The following TTC27 variants were observed in gnomAD, a reference collection of about 807,000 sequenced individuals.
TTC27 encodes tetratricopeptide repeat domain 27, also known as tetratricopeptide repeat protein 27.
A neutral mutation model predicts 115.9 loss-of-function variants in TTC27; 79 were observed. The ratio of observed to expected loss-of-function variants is 0.68; its 90% CI spans 0.57 to 0.82. The LOEUF (loss-of-function observed/expected upper bound fraction) is 0.82. TTC27 is among the 40% of genes least tolerant of loss of function. The pLI is 0.00. For synonymous variants in TTC27, 401 were observed against 356.0 expected (o/e 1.13, Z -1.42); for missense variants, 1,054 against 993.1 (o/e 1.06, Z -0.82).
At chr2:32,786,628 C>A (rs1670357343) in intron 15 of TTC27, among the ~76,000 whole-genome samples, 2 of 152,152 alleles carry the variant, frequency 1.3e-5, no homozygotes, top group African/African-American at 2.4e-5. Context: ...TTTTGTCTTA[C>A]AGGTTTGCAA....
chr2:32,745,054 C>CAAAAAAAAAAAA (rs57044153), intron 12 of TTC27, among the ~76,000 whole-genome samples: 3 of 49,882 alleles, frequency 6.0e-5, no homozygotes, highest in Non-Finnish European at 1.0e-4. Context: ...AACTCTGTCT[C>CAAAAAAAAAAAA]AAAAAAAAAA....
intron 16 of TTC27, among the ~76,000 whole-genome samples, chr2:32,807,605 AGTAT>A (rs1388851542): frequency 6.6e-6 from 1 of 152,206 alleles, no homozygotes; most frequent in Non-Finnish European, 1.5e-5. Context: ...ATTGAAAATT[AGTAT>A]TATAGGATAC....
At chr2:32,719,269 G>T (rs1667846723) in intron 10 of TTC27, among the ~76,000 whole-genome samples, 1 of 152,168 alleles carries the variant, frequency 6.6e-6, no homozygotes, top group African/African-American at 2.4e-5. Flanking sequence ...CAGGGAGGCT[G>T]TAAAAGATAC....
intron 10 of TTC27, among the ~76,000 whole-genome samples, chr2:32,715,242 T>C (rs1667715535): frequency 6.6e-6 from 1 of 152,174 alleles, no homozygotes; most frequent in African/African-American, 2.4e-5. Flanking sequence ...CTTGAGTTGA[T>C]TTTTGCATAT....
Position 32,654,530 on chromosome 2 carries a change from ATGT to A in TTC27, c.640+4302_640+4304del, listed in dbSNP as rs565834283. ...GATGATTAACAGGGTATAGCATTTC[ATGT>A]TGTTATTATTTTTTTGAGGCAGGGT... On this transcript the variant is annotated intron_variant, in intron 5 of 19. Coordinates refer to ENST00000317907, the MANE Select transcript of TTC27 (RefSeq NM_017735.5). Among the ~76,000 whole-genome samples the A allele has an allele frequency of 2.0e-4, 30 of 152,122 alleles. 1 individual carries two copies. In the South Asian group the frequency reaches 5.0e-3, roughly 25 times the overall value.
At chr2:32,706,300 C>T (rs1182580440) in intron 10 of TTC27, among the ~76,000 whole-genome samples, 1 of 151,696 alleles carries the variant, frequency 6.6e-6, no homozygotes, top group Non-Finnish European at 1.5e-5. Flanking sequence ...CCAGGCTGGT[C>T]TCGAACTCCT....
intron 11 of TTC27, among the ~76,000 whole-genome samples, chr2:32,734,155 G>C (rs1668381552): frequency 6.6e-6 from 1 of 152,058 alleles, no homozygotes; most frequent in South Asian, 2.1e-4. Flanking sequence ...TAGAATCCTA[G>C]AAATAAAATA....
At chr2:32,732,259 A>G (rs1350021441) in intron 10 of TTC27, among the ~76,000 whole-genome samples, 1 of 152,222 alleles carries the variant, frequency 6.6e-6, no homozygotes, top group African/African-American at 2.4e-5. Flanking sequence ...TTAAGTTTCT[A>G]TGAAGTGAGG....
chr2:32,646,057 C>G (rs943371514), intron 4 of TTC27, among the ~76,000 whole-genome samples: 1 of 129,304 alleles, frequency 7.7e-6, no homozygotes, highest in African/African-American at 3.0e-5. Flanking sequence ...GAGATGGAGT[C>G]TCGCTCTGTC....
chr2:32,697,669 G>A (rs1433577104), intron 9 of TTC27, among the ~76,000 whole-genome samples: 1 of 152,148 alleles, frequency 6.6e-6, no homozygotes, highest in Non-Finnish European at 1.5e-5. Flanking sequence ...GACATCTTTA[G>A]TCACACAGAG....
chr2:32,665,173 G>C (rs1665725844), intron 6 of TTC27, among the ~76,000 whole-genome samples: 2 of 151,962 alleles, frequency 1.3e-5, no homozygotes, highest in African/African-American at 4.8e-5. Context: ...TAGAGAGCTA[G>C]TTCTATCAGT....
At chr2:32,714,907 T>C (rs971155710) in intron 10 of TTC27, among the ~76,000 whole-genome samples, 1 of 152,210 alleles carries the variant, frequency 6.6e-6, no homozygotes, top group South Asian at 2.1e-4. Flanking sequence ...TGACTGTTCA[T>C]GTCCTTTGCC....
intron 10 of TTC27, among the ~76,000 whole-genome samples, chr2:32,710,800 T>G (rs1227335608): frequency 6.6e-6 from 1 of 152,040 alleles, no homozygotes; most frequent in African/African-American, 2.4e-5. Flanking sequence ...AACAAGAATG[T>G]GTTTTGAGTG....
At chr2:32,723,354 C>T (rs1667987602) in intron 10 of TTC27, among the ~76,000 whole-genome samples, 1 of 152,060 alleles carries the variant, frequency 6.6e-6, no homozygotes, top group Non-Finnish European at 1.5e-5. Flanking sequence ...AAATATAGAT[C>T]TTCAGCCTAG....
chr2:32,709,223 A>AT (rs1165737050), intron 10 of TTC27, among the ~76,000 whole-genome samples: 2 of 152,238 alleles, frequency 1.3e-5, no homozygotes, highest in Non-Finnish European at 2.9e-5. Flanking sequence ...GTAGAGATTA[A>AT]TACCCCTTAA....
chr2:32,642,410 T>C (rs1008237791), intron 4 of TTC27, among the ~76,000 whole-genome samples: 1 of 150,976 alleles, frequency 6.6e-6, no homozygotes, highest in Non-Finnish European at 1.5e-5. Context: ...CACCACCACG[T>C]TTGGCTAATT....
intron 13 of TTC27, among the ~76,000 whole-genome samples, chr2:32,762,102 C>T (rs1289751182): frequency 1.3e-5 from 2 of 152,118 alleles, no homozygotes; most frequent in Admixed American, 1.3e-4. Flanking sequence ...ATATGTAAAG[C>T]ACCAGTTATA....
intron 3 of TTC27, among the ~76,000 whole-genome samples, chr2:32,639,237 C>G (rs1352642576): frequency 1.3e-5 from 2 of 152,208 alleles, no homozygotes; most frequent in African/African-American, 2.4e-5. Context: ...AGAAAGGACA[C>G]TGTCCTGTGC....
chr2:32,787,386 C>A (rs888872195), intron 16 of TTC27, among the ~76,000 whole-genome samples: 20 of 152,166 alleles, frequency 1.3e-4, no homozygotes, highest in African/African-American at 3.1e-4. Context: ...TTATGAAAAT[C>A]TGATATGTGG....
Sources: gnomAD v4.1 joint callset for allele counts (sites outside exome capture counted in the v4.1 genomes callset) on GRCh38, gnomAD v4.1.1 for gene constraint, MANE v1.5 for transcripts, NCBI Gene and HGNC (gene_info 2026-07-23, HGNC 2026-07-21) for gene names.